The following PCMT1 variants were observed in gnomAD, a reference collection of about 807,000 sequenced individuals.
The protein encoded by PCMT1 is protein-L-isoaspartate(D-aspartate) O-methyltransferase.
In PCMT1, 9 loss-of-function variants were observed where a neutral mutation model predicts 29.2. That is an observed-to-expected ratio of 0.31 (90% CI 0.19 to 0.54). PCMT1 has a LOEUF of 0.54. Among genes scored for constraint, PCMT1 ranks in the 20% least tolerant of loss-of-function variants. PCMT1 has a pLI of 0.95. For missense variants in PCMT1, 184 were observed against 282.2 expected (o/e 0.65, Z 2.49); for synonymous variants, 98 against 97.5 (o/e 1.00, Z -0.03).
chr6:149,765,353 CTG>C (rs1787037435), intron 1 of PCMT1, among the ~76,000 whole-genome samples: 1 of 96,344 alleles, frequency 1.0e-5, no homozygotes, highest in Non-Finnish European at 1.7e-5. Flanking sequence ...GAGCGAGACT[CTG>C]TCTCAAAAAA....
At chr6:149,749,724 G>A (rs539452622), upstream of PCMT1, 6 of 1,541,396 alleles carry the variant, frequency 3.9e-6, no homozygotes, top group African/African-American at 5.5e-5. Context: ...GCGTGCCGCG[G>A]GGGATGCCGG....
intron 1 of PCMT1, among the ~76,000 whole-genome samples, chr6:149,758,208 C>CTTTTTTTTTTTTTTTTTTTTTT (rs756014067): frequency 4.5e-4 from 33 of 73,886 alleles, no homozygotes; most frequent in Non-Finnish European, 6.2e-4. Flanking sequence ...TTCTTTCTTT[C>CTTTTTTTTTTTTTTTTTTTTTT]TTTTTTTTTT....
At chr6:149,769,835 C>T (rs1787240324) in intron 1 of PCMT1, among the ~76,000 whole-genome samples, 1 of 131,724 alleles carries the variant, frequency 7.6e-6, no homozygotes, top group African/African-American at 3.0e-5. Context: ...TGGTCTCAAG[C>T]TATCCTCCCT....
intron 7 of PCMT1, among the ~76,000 whole-genome samples, chr6:149,802,833 C>A (rs558556268): frequency 6.6e-6 from 1 of 151,740 alleles, no homozygotes; most frequent in Non-Finnish European, 1.5e-5. Flanking sequence ...GTGGGCGGAT[C>A]ACTTGAGGTC....
In PCMT1 at chr6:149,771,063, T is replaced by C. The variant is rs904947980; in HGVS notation, c.56-99T>C. On this transcript the variant is annotated intron_variant, in intron 1 of 7. Transcript: ENST00000464889. ...ATTACAACAACTTCCAATCATTCTC[T>C]CTTCCAGTTCAGTCTCTATAGCACA... 1.3e-5 allele frequency: 8 copies of C among 598,198 alleles called. No homozygotes were observed. In the African/African-American group the frequency reaches 1.5e-4, roughly 12 times the overall value. The allele number at this position is 598,198 out of a possible 1,614,324, so 37.1% of individuals were successfully genotyped here. A position where few individuals can be genotyped will look rare whatever the true frequency, so the allele number is the denominator to read the frequency against.
In PCMT1 at chr6:149,749,768, G is replaced by GT; in HGVS notation, c.-133dup. On this transcript the variant is annotated 5_prime_UTR_variant, in exon 1 of 8. Transcript: ENST00000464889. ...AGTGGCGGCAGCGGCGGCGACGGCA[G>GT]TAACAGCGGCAGCTACAGCGGGGAC... The GT allele has an allele frequency of 1.9e-6, 3 of 1,548,482 alleles. No homozygotes were observed. Among genetic ancestry groups the GT allele is most frequent in the Admixed American group, 2.0e-5 (1 of 50,898 alleles).
chr6:149,809,717 A>G (rs1466703586), intron 7 of PCMT1, among the ~76,000 whole-genome samples: 1 of 152,158 alleles, frequency 6.6e-6, no homozygotes, highest in Non-Finnish European at 1.5e-5. Context: ...TTGCTAGGAT[A>G]GTACAAATAA....
At chr6:149,805,103 G>A (rs1265742094) in intron 7 of PCMT1, among the ~76,000 whole-genome samples, 6 of 152,090 alleles carry the variant, frequency 3.9e-5, no homozygotes, top group Admixed American at 6.5e-5. Flanking sequence ...CTAGCCAGGC[G>A]TAGTGGTGTG....
At chr6:149,795,189 G>A (rs1266319960) in intron 5 of PCMT1, 7 of 272,694 alleles carry the variant, frequency 2.6e-5, no homozygotes, top group East Asian at 1.3e-4. Flanking sequence ...GCGAGACTTC[G>A]TCTCAAAAAA....
chr6:149,750,095 C>T, intron 1 of PCMT1, 139 bp downstream of exon 1: 1 of 1,232,700 alleles, frequency 8.1e-7, no homozygotes. Context: ...CCGGTAGTCC[C>T]GAACGGCGTG....
intron 1 of PCMT1, among the ~76,000 whole-genome samples, chr6:149,764,821 C>T (rs963415497): frequency 6.6e-6 from 1 of 151,122 alleles, no homozygotes; most frequent in Admixed American, 6.6e-5. Flanking sequence ...GCGGGTAGAT[C>T]ACGAGATCAG....
At chr6:149,805,073 A>G (rs1263471197) in intron 7 of PCMT1, among the ~76,000 whole-genome samples, 1 of 152,032 alleles carries the variant, frequency 6.6e-6, no homozygotes, top group Non-Finnish European at 1.5e-5. Flanking sequence ...GAGACCTCGT[A>G]TCTACTAAAA....
chr6:149,779,063 G>A (rs1053931612), intron 3 of PCMT1, among the ~76,000 whole-genome samples: 6 of 151,936 alleles, frequency 3.9e-5, no homozygotes, highest in Non-Finnish European at 1.5e-5. Flanking sequence ...ACTCTGGTGC[G>A]GGGCCCGGGT....
intron 7 of PCMT1, 70 bp from the exon 8 acceptor site, chr6:149,810,546 A>C (rs572454942): frequency 5.2e-6 from 6 of 1,147,876 alleles, no homozygotes; most frequent in Non-Finnish European, 7.6e-6. Context: ...AGTTGTGTCT[A>C]AACTATTATA....
At chr6:149,793,324 T>C (rs1335739428) in intron 4 of PCMT1, among the ~76,000 whole-genome samples, 1 of 152,176 alleles carries the variant, frequency 6.6e-6, no homozygotes. Flanking sequence ...AAAGATATAA[T>C]TTTTCTTAGT....
At chr6:149,755,654 G>C (rs1786477729) in intron 1 of PCMT1, among the ~76,000 whole-genome samples, 1 of 151,996 alleles carries the variant, frequency 6.6e-6, no homozygotes. Flanking sequence ...TTGCATTCTT[G>C]ATTTTGTCAT....
chr6:149,786,338 C>T (rs1345121529), intron 3 of PCMT1, among the ~76,000 whole-genome samples: 1 of 98,374 alleles, frequency 1.0e-5, no homozygotes, highest in Admixed American at 9.8e-5. Context: ...ACCTCCCTCC[C>T]GGACGGGGCG....
chr6:149,765,946 A>G (rs929290791), intron 1 of PCMT1, among the ~76,000 whole-genome samples: 2 of 151,560 alleles, frequency 1.3e-5, no homozygotes, highest in South Asian at 4.2e-4. Context: ...AGCCTGGGCA[A>G]CAAGAGTGAA....
chr6:149,752,744 G>A (rs190626542), intron 1 of PCMT1, among the ~76,000 whole-genome samples: 7 of 152,160 alleles, frequency 4.6e-5, no homozygotes, highest in Admixed American at 2.0e-4. Flanking sequence ...ATTTTCCACC[G>A]GTAGGTTATC....
Sources: allele counts gnomAD v4.1 joint callset (sites outside exome capture counted in the v4.1 genomes callset), GRCh38; gene constraint gnomAD v4.1.1; transcripts MANE v1.5; gene names NCBI Gene and HGNC (gene_info 2026-07-23, HGNC 2026-07-21).